Variants in DIS3 observed in about 807,000 individuals in gnomAD.
The protein encoded by DIS3 is DIS3 exosome endoribonuclease and 3'-5' exoribonuclease, also known as exosome complex exonuclease RRP44.
In DIS3, 103 loss-of-function variants were observed where a neutral mutation model predicts 113.0. That is an observed-to-expected ratio of 0.91 (90% CI 0.78 to 1.07). DIS3 has a LOEUF of 1.07. Among genes scored for constraint, DIS3 ranks in the 50% least tolerant of loss-of-function variants. The pLI is 0.00. For synonymous variants in DIS3, 402 were observed against 394.3 expected, an observed-to-expected ratio of 1.02 and a Z score of -0.23; for missense variants, 1,121 against 1,167.1, an observed-to-expected ratio of 0.96 and a Z score of 0.58.
chr13:72,752,260 C>G lies in DIS3; in HGVS notation c.*7535G>C, dbSNP rs1040680660. 1 of 151,996 alleles carries G rather than the reference C, an allele frequency of 6.6e-6. No homozygotes were observed. Among genetic ancestry groups the G allele is most frequent in the Non-Finnish European group, 1.5e-5 (1 of 68,000 alleles). 9.4% of individuals were successfully genotyped at this position (151,996 alleles called of 1,614,324 possible). The stretch of plus-strand genomic sequence containing the variant: ...AGAACATGACTTTTTAATTTTTGTC[C>G]CCTCATCCTTCTTAGCTATAAAGTG... On this transcript the variant is annotated 3_prime_UTR_variant, in exon 21 of 21. Transcript: ENST00000377767.
chr13:72,772,240 A>G lies in DIS3; in HGVS notation c.1422T>C (p.Cys474=). ...MKNREDLRHL[C]ICSVDPPGCT... ...ATCCTGGTGGGTCTACACTACAAAT[A>G]CACAGATGCCTCAGGTCTTCTCGGT... The change falls in exon 10 of 21, where the codon TGT becomes TGC. Residue 474 remains cysteine, a synonymous_variant. Coordinates refer to ENST00000377767, the MANE Select transcript of DIS3 (RefSeq NM_014953.5). The G allele has an allele frequency of 1.2e-6, 2 of 1,613,228 alleles. No individual in the cohort carries two copies. Among genetic ancestry groups the G allele is most frequent in the Non-Finnish European group, 1.7e-6 (2 of 1,179,890 alleles).
chr13:72,779,601 T>C (rs1172109838), intron 2 of DIS3, among the ~76,000 whole-genome samples: 1 of 152,124 alleles, frequency 6.6e-6, no homozygotes, highest in Non-Finnish European at 1.5e-5. Flanking sequence ...AAGTTTGAGA[T>C]ATAAGAATCA....
chr13:72,772,751 G>A lies in DIS3; in HGVS notation c.1328C>T (p.Pro443Leu). ...AAAACTAAGAACAGCCTGTGAAAAAGGCTGATGGGGAACATCGTGTTCAAG... is the reference window on the plus strand; with the variant it reads ...AAAACTAAGAACAGCCTGTGAAAAAAGCTGATGGGGAACATCGTGTTCAAG... ...LLLEHDVPHQ[P>L]FSQAVLSFLP... The change falls in exon 9 of 21, where the codon CCT becomes CTT. Residue 443 changes from proline to leucine, a missense_variant. Physicochemically the swap from Pro to Leu is moderately conservative, Grantham distance 98. This residue lies in a region of DIS3 where 861 missense variants were observed against 915.5 expected (regional missense o/e 0.94). Coordinates refer to ENST00000377767, the MANE Select transcript of DIS3 (RefSeq NM_014953.5). 6.2e-7 allele frequency: 1 copy of A among 1,613,574 alleles called. No individual in the cohort carries two copies.
chr13:72,759,745 T>C lies in DIS3; in HGVS notation c.*50A>G, dbSNP rs1593832811. On this transcript the variant is annotated 3_prime_UTR_variant, in exon 21 of 21. Transcript: ENST00000377767. ...TAGGCTTAGAAGTGTTCTTTCAAGT[T>C]TTTTCTTTTAAAAAAGAAACCAGTC... 6.8e-7 allele frequency: 1 copy of C among 1,472,880 alleles called. No homozygotes were observed. The highest frequency in any genetic ancestry group is 9.4e-7 in the Non-Finnish European group (1 of 1,064,060). The allele number at this position is 1,472,880 out of a possible 1,614,324, so 91.2% of individuals were successfully genotyped here.
intron 15 of DIS3, 58 bp downstream of exon 15, chr13:72,765,914 A>G: frequency 8.2e-7 from 1 of 1,220,202 alleles, no homozygotes; most frequent in African/African-American, 1.5e-5. Context: ...TACTTACAGT[A>G]GACATGACAA....
intron 11 of DIS3, 76 bp downstream of exon 11, chr13:72,771,719 T>G: frequency 2.9e-6 from 4 of 1,402,912 alleles, no homozygotes; most frequent in Non-Finnish European, 3.9e-6. Flanking sequence ...CCATGTATTT[T>G]TCTTAGCTAA....
intron 18 of DIS3, 46 bp from the exon 19 acceptor site, chr13:72,761,567 A>G: frequency 5.9e-6 from 9 of 1,522,190 alleles, no homozygotes; most frequent in Non-Finnish European, 7.9e-6. Context: ...AAAAATTTTT[A>G]AATAAACAAA....
chr13:72,774,316 C>T (rs1041146928), intron 6 of DIS3, among the ~76,000 whole-genome samples: 2 of 152,006 alleles, frequency 1.3e-5, no homozygotes, highest in South Asian at 2.1e-4. Flanking sequence ...TAACTGAATA[C>T]GTATGTTAGA....
chr13:72,771,166 A>C, intron 11 of DIS3, 21 bp from the exon 12 acceptor site: 16 of 1,595,512 alleles, frequency 1.0e-5, no homozygotes, highest in Non-Finnish European at 1.2e-5. Context: ...TAAAAATAGA[A>C]CCACAGATTA....
In DIS3 at chr13:72,759,079, G is replaced by C. The variant is rs2033562605; in HGVS notation, c.*716C>G. On this transcript the variant is annotated 3_prime_UTR_variant, in exon 21 of 21. Coordinates refer to ENST00000377767, the MANE Select transcript of DIS3 (RefSeq NM_014953.5). ...AATTAATCTGTTTTTTATTTTGTAA[G>C]TAACAAGATATAGACATTTGAATGC... is the stretch of plus-strand genomic sequence containing the variant. The C allele has an allele frequency of 5.6e-6, 1 of 179,266 alleles. No homozygotes were observed. Among genetic ancestry groups the C allele is most frequent in the Non-Finnish European group, 1.2e-5 (1 of 83,796 alleles). The allele number at this position is 179,266 out of a possible 1,614,324, so 11.1% of individuals were successfully genotyped here. A position where few individuals can be genotyped will look rare whatever the true frequency, so the allele number is the denominator to read the frequency against.
chr13:72,765,066 G>A (rs1163348292), intron 15 of DIS3, among the ~76,000 whole-genome samples: 1 of 152,102 alleles, frequency 6.6e-6, no homozygotes, highest in Non-Finnish European at 1.5e-5. Context: ...GCATATGCAT[G>A]TTGAATTCCA....
chr13:72,772,060 T>C, intron 10 of DIS3, 99 bp downstream of exon 10: 2 of 1,242,838 alleles, frequency 1.6e-6, no homozygotes, highest in South Asian at 1.4e-5. Context: ...CAATTATACT[T>C]CACAAGAGTA....
chr13:72,763,617 G>A lies in DIS3; in HGVS notation c.1971-10C>T, dbSNP rs1593837253. ...CATGGAATTTGTTTCCCTGCCAATG[G>A]AAAAAGCATTAAACAAACAAAAAAG... On this transcript the variant is annotated splice_polypyrimidine_tract_variant and intron_variant, in intron 15 of 20. Coordinates refer to ENST00000377767, the MANE Select transcript of DIS3 (RefSeq NM_014953.5). 1 of 1,605,498 alleles carries A rather than the reference G, an allele frequency of 6.2e-7. No individual in the cohort carries two copies. The highest frequency in any genetic ancestry group is 2.2e-5 in the East Asian group (1 of 44,742).
In DIS3 at chr13:72,779,752, T is replaced by C. The variant is rs561579406; in HGVS notation, c.386+1094A>G. 7.4e-3 allele frequency among the ~76,000 whole-genome samples: 738 copies of C among 100,088 alleles called. 9 individuals carry two copies. Among genetic ancestry groups the C allele is most frequent in the African/African-American group, 0.026 (669 of 26,118 alleles). The allele number at this position is 100,088 out of a possible 152,430, so 65.7% of individuals were successfully genotyped here. On this transcript the variant is annotated intron_variant, in intron 2 of 20. Coordinates refer to ENST00000377767, the MANE Select transcript of DIS3 (RefSeq NM_014953.5). ...ATTTTGTATCATTACAACTGAGTGG[T>C]GGTGGTGGTGGTGGTGGTGGGGGGG...
chr13:72,768,701 C>T, intron 14 of DIS3, 84 bp downstream of exon 14: 1 of 1,091,984 alleles, frequency 9.2e-7, no homozygotes, highest in Non-Finnish European at 1.3e-6. Flanking sequence ...TCTATTCACC[C>T]TTTTAAATAA....
At position 72,761,465 on chromosome 13, in the gene DIS3, T is replaced by C. The variant is rs758977079; in HGVS notation, c.2568A>G (p.Arg856=). Residue 856 remains arginine (R), a synonymous_variant, in exon 19 of 21, where the codon AGA becomes AGG. Transcript: ENST00000377767. The stretch of plus-strand genomic sequence containing the variant: ...GAATTAATACCACAATGGCATTCTT[T>C]CTTACAAATAAAATATAGGCTTCTT... ...VSEEAYILFV[R]KNAIVVLIPK... The C allele has an allele frequency of 6.2e-7, 1 of 1,610,300 alleles. No homozygotes were observed.
Position 72,760,654 on chromosome 13 carries a change from A to G in DIS3, c.2671-3T>C. 1.2e-6 allele frequency: 2 copies of G among 1,611,278 alleles called. No homozygotes were observed. The highest frequency in any genetic ancestry group is 1.7e-6 in the Non-Finnish European group (2 of 1,178,768). On this transcript the variant is annotated splice_polypyrimidine_tract_variant and splice_region_variant and intron_variant, in intron 19 of 20. Coordinates refer to ENST00000377767, the MANE Select transcript of DIS3 (RefSeq NM_014953.5). ...TCTTCTATTTTAAGTGAGGGTATCTAAACAAAACACATTTTATCATTCTTA... is the reference window on the plus strand; with the variant it reads ...TCTTCTATTTTAAGTGAGGGTATCTGAACAAAACACATTTTATCATTCTTA...
chr13:72,778,306 TTTGCTGCTACTCGAA>T lies in DIS3; in HGVS notation c.446_460del (p.Ile149_Ala153del), dbSNP rs1170129535. ...TTTTTTCAAATGTTCATTGTACCAT[TTTGCTGCTACTCGAA>T]TCGCTCTATCATTCCTGTCATTAGC... On this transcript the variant is annotated inframe_deletion, in exon 3 of 21. Transcript: ENST00000377767. 5 of 1,606,138 alleles carry T rather than the reference TTTGCTGCTACTCGAA, an allele frequency of 3.1e-6. No homozygotes were observed. Among genetic ancestry groups the T allele is most frequent in the Non-Finnish European group, 4.3e-6 (5 of 1,174,236 alleles).
chr13:72,778,171 C>T lies in DIS3; in HGVS notation c.580+16G>A. On this transcript the variant is annotated intron_variant, in intron 3 of 20. Coordinates refer to ENST00000377767, the MANE Select transcript of DIS3 (RefSeq NM_014953.5). ...ATTTGCAAACATGCACTAAGTACTT[C>T]TACATTTAGACTTACAAGTGAAAGC... is the stretch of plus-strand genomic sequence containing the variant. 1.3e-6 allele frequency: 2 copies of T among 1,554,702 alleles called. No individual in the cohort carries two copies. Among genetic ancestry groups the T allele is most frequent in the Admixed American group, 3.4e-5 (2 of 58,886 alleles).
Sources: gnomAD v4.1 joint callset for allele counts (sites outside exome capture counted in the v4.1 genomes callset) on GRCh38, gnomAD v4.1.1 for gene constraint, gnomAD v4.1.1 regional missense constraint, MANE v1.5 for transcripts, NCBI Gene and HGNC (gene_info 2026-07-23, HGNC 2026-07-21) for gene names.